Variants in ACSS2 observed in about 807,000 individuals in gnomAD.
ACSS2 encodes acetyl-coenzyme A synthetase, cytoplasmic.
In ACSS2, 58 loss-of-function variants were observed where a neutral mutation model predicts 90.6. That is an observed-to-expected ratio of 0.64 (90% confidence interval 0.52 to 0.80). The LOEUF (loss-of-function observed/expected upper bound fraction) is 0.80, where lower values mean the gene tolerates loss of function less well. ACSS2 is among the 30% of genes least tolerant of loss of function. The probability of loss-of-function intolerance (pLI) is 0.00; values close to 1 mark genes in which losing one functional copy is unlikely to be tolerated. For missense variants in ACSS2, 759 were observed against 912.0 expected, an observed-to-expected ratio of 0.83 and a Z score of 2.16; for synonymous variants, 300 against 330.9, an observed-to-expected ratio of 0.91 and a Z score of 1.01.
Position 34,927,443 on chromosome 20 carries a change from A to T in ACSS2, c.*229A>T. Reference sequence around the variant, plus strand: ...AGTCTGCTGTGCCTCCAGACTGCAGAGCTCTCAGAACCCAGAACAGAGACG... The same window carrying T: ...AGTCTGCTGTGCCTCCAGACTGCAGTGCTCTCAGAACCCAGAACAGAGACG... On this transcript the variant is annotated 3_prime_UTR_variant, in exon 18 of 18. Coordinates refer to ENST00000360596, the MANE Select transcript of ACSS2 (RefSeq NM_018677.4). The surrounding 1 kb of genome is among the most constrained non-coding windows in gnomAD (Gnocchi z 4.2). 1.7e-6 allele frequency: 1 copy of T among 597,788 alleles called. No individual in the cohort carries two copies. Among genetic ancestry groups the T allele is most frequent in the Non-Finnish European group, 2.9e-6 (1 of 340,092 alleles). The allele number at this position is 597,788 out of a possible 1,614,324, so 37.0% of individuals were successfully genotyped here.
chr20:34,882,981 T>A lies in ACSS2; in HGVS notation c.366T>A (p.Ala122=). The stretch of plus-strand genomic sequence containing the variant: ...AGAAAAAGCTTGGAGATAAAGTTGC[T>A]TTTTACTGGTAAAAATATCTATCTT... ...VHEKKLGDKV[A]FYWEGNEPGE... Residue 122 remains alanine, a synonymous_variant, in exon 2 of 18, where the codon GCT becomes GCA. Coordinates refer to ENST00000360596, the MANE Select transcript of ACSS2 (RefSeq NM_018677.4). 2 of 1,601,864 alleles carry A rather than the reference T, an allele frequency of 1.2e-6. No homozygotes were observed. Among genetic ancestry groups the A allele is most frequent in the Non-Finnish European group, 1.7e-6 (2 of 1,176,272 alleles).
At chr20:34,905,284 G>A (rs1013039520) in intron 2 of ACSS2, among the ~76,000 whole-genome samples, 17 of 147,580 alleles carry the variant, frequency 1.2e-4, no homozygotes, top group African/African-American at 4.0e-4. Flanking sequence ...TTTTTGAGAC[G>A]GAGTCTCGCT....
Position 34,914,309 on chromosome 20 carries a change from TTTCTC to T in ACSS2, c.720-8_720-4del. On this transcript the variant is annotated splice_polypyrimidine_tract_variant and intron_variant, in intron 6 of 17. Coordinates refer to ENST00000360596, the MANE Select transcript of ACSS2 (RefSeq NM_018677.4). ...GCCAACAAGGCTACCACTTTAGGCTTTTCTCTTCTCCAGGGGTTTCCCAGTAAGAT... is the reference window on the plus strand; with the variant it reads ...GCCAACAAGGCTACCACTTTAGGCTTTTCTCCAGGGGTTTCCCAGTAAGAT... 1.9e-6 allele frequency: 3 copies of T among 1,611,248 alleles called. No homozygotes were observed. Among genetic ancestry groups the T allele is most frequent in the Non-Finnish European group, 2.5e-6 (3 of 1,178,432 alleles).
At chr20:34,883,737 T>A (rs75239536) in intron 2 of ACSS2, among the ~76,000 whole-genome samples, 5,374 of 152,292 alleles carry the variant, frequency 0.035, 315 homozygotes, top group African/African-American at 0.12. Context: ...AATTCAAGTC[T>A]GCCTGACTCC....
rs755871635 is a variant in ACSS2, at chr20:34,923,364, T to C, written c.1590T>C (p.Tyr530=). Residue 530 remains tyrosine (Y), a synonymous_variant, in exon 14 of 18, where the codon TAT becomes TAC. Coordinates refer to ENST00000360596, the MANE Select transcript of ACSS2 (RefSeq NM_018677.4). ...QPWPGIMRTV[Y]GNHERFETTY... is the part of the protein sequence containing the mutation. Reference sequence around the variant, plus strand: ...GGCCAGGGATCATGCGCACAGTCTATGGGAACCACGAACGCTTTGAGACAA... The same window carrying C: ...GGCCAGGGATCATGCGCACAGTCTACGGGAACCACGAACGCTTTGAGACAA... The C allele has an allele frequency of 9.3e-6, 15 of 1,614,058 alleles. No homozygotes were observed. Among genetic ancestry groups the C allele is most frequent in the Non-Finnish European group, 1.3e-5 (15 of 1,180,032 alleles).
intron 2 of ACSS2, among the ~76,000 whole-genome samples, chr20:34,894,237 C>A (rs13044142): frequency 6.6e-6 from 1 of 152,042 alleles, no homozygotes. Flanking sequence ...TGCCTGTAAT[C>A]CCAGAACTTT....
chr20:34,912,139 C>T (rs559935779), intron 2 of ACSS2, among the ~76,000 whole-genome samples: 13 of 152,262 alleles, frequency 8.5e-5, no homozygotes, highest in South Asian at 8.3e-4. Context: ...TATTTCTATA[C>T]ATGTAGATAG....
At position 34,920,998 on chromosome 20, in the gene ACSS2, T is replaced by C; in HGVS notation, c.1144-8T>C. 6.2e-7 allele frequency: 1 copy of C among 1,614,066 alleles called. No individual in the cohort carries two copies. The highest frequency in any genetic ancestry group is 8.5e-7 in the Non-Finnish European group (1 of 1,179,980). Reference sequence around the variant, plus strand: ...AAAGACTGGGAATGACCAGCCTTCATGGGTCAGTTTGAGGGGATTCCCACA... The same window carrying C: ...AAAGACTGGGAATGACCAGCCTTCACGGGTCAGTTTGAGGGGATTCCCACA... On this transcript the variant is annotated splice_region_variant and splice_polypyrimidine_tract_variant and intron_variant, in intron 9 of 17. Transcript: ENST00000360596.
At chr20:34,902,065 G>C (rs1435399351) in intron 2 of ACSS2, among the ~76,000 whole-genome samples, 1 of 151,186 alleles carries the variant, frequency 6.6e-6, no homozygotes, top group Non-Finnish European at 1.5e-5. Flanking sequence ...AATTGATGTA[G>C]ATTTTCCATT....
rs141459727 is a variant in ACSS2, at chr20:34,914,188, A to G, written c.719+17A>G. 1.9e-5 allele frequency: 30 copies of G among 1,613,982 alleles called. 1 individual carries two copies. In the East Asian group the frequency reaches 5.8e-4, roughly 31 times the overall value. On this transcript the variant is annotated intron_variant, in intron 6 of 17. Coordinates refer to ENST00000360596, the MANE Select transcript of ACSS2 (RefSeq NM_018677.4). ...TCAGGAGAAGTAAGTGTGTTTGGCT[A>G]CTGTCTGAGTTGACTGAGCCTTTCC...
chr20:34,908,863 GGA>G, intron 2 of ACSS2: 1 of 378,534 alleles, frequency 2.6e-6, no homozygotes. Context: ...CTCCATCTTG[GGA>G]AAAAAAAAAA....
At chr20:34,925,542 AG>A (rs2081298346) in intron 14 of ACSS2, among the ~76,000 whole-genome samples, 155 bp from the exon 15 acceptor site, 1 of 152,210 alleles carries the variant, frequency 6.6e-6, no homozygotes, top group African/African-American at 2.4e-5. Context: ...GGCAGAGATC[AG>A]TGGTGCCCTC....
Position 34,927,328 on chromosome 20 carries a change from G to GT in ACSS2, c.*114_*115insT. Reference sequence around the variant, plus strand: ...GACCCACACTACCCTCCCTTGACCAGCTGTCTGGGACCGGAAACCAGCTTT... The same window carrying GT: ...GACCCACACTACCCTCCCTTGACCAGTCTGTCTGGGACCGGAAACCAGCTTT... On this transcript the variant is annotated 3_prime_UTR_variant, in exon 18 of 18. Transcript: ENST00000360596. The surrounding 1 kb of genome is among the most constrained non-coding windows in gnomAD (Gnocchi z 4.2). The GT allele has an allele frequency of 7.0e-7, 1 of 1,422,662 alleles. No homozygotes were observed. Among genetic ancestry groups the GT allele is most frequent in the Non-Finnish European group, 9.7e-7 (1 of 1,036,124 alleles). The allele number at this position is 1,422,662 out of a possible 1,614,324, so 88.1% of individuals were successfully genotyped here. A position where few individuals can be genotyped will look rare whatever the true frequency, so the allele number is the denominator to read the frequency against.
intron 2 of ACSS2, among the ~76,000 whole-genome samples, chr20:34,899,326 G>A (rs1387028378): frequency 3.3e-5 from 5 of 152,228 alleles, no homozygotes; most frequent in Admixed American, 6.5e-5. Flanking sequence ...CGCCGAGAGC[G>A]AGCAAGGGCT....
At chr20:34,886,133 T>A (rs1273670417) in intron 2 of ACSS2, among the ~76,000 whole-genome samples, 1 of 152,180 alleles carries the variant, frequency 6.6e-6, no homozygotes, top group Admixed American at 6.5e-5. Flanking sequence ...TCATCATTTT[T>A]AAAGAAAGTA....
rs1568977258 is a variant in ACSS2 at position 34,899,427 on chromosome 20, C to CTCT, written c.375-13668_375-13667insCTT. On this transcript the variant is annotated intron_variant, in intron 2 of 17. Coordinates refer to ENST00000360596, the MANE Select transcript of ACSS2 (RefSeq NM_018677.4). The stretch of plus-strand genomic sequence containing the variant: ...CCTTCTTTCTTTCTTTCTTTCTTTC[C>CTCT]TTCCTTCCTTCCTTCCTTCCTTCCT... Among the ~76,000 whole-genome samples, 115 of 115,904 alleles carry CTCT rather than the reference C, an allele frequency of 9.9e-4. 1 individual carries two copies. Among genetic ancestry groups the CTCT allele is most frequent in the African/African-American group, 3.6e-3 (94 of 26,170 alleles). The allele number at this position is 115,904 out of a possible 152,430, so 76.0% of individuals were successfully genotyped here. A position where few individuals can be genotyped will look rare whatever the true frequency, so the allele number is the denominator to read the frequency against.
chr20:34,897,980 C>A (rs543674800), intron 2 of ACSS2, among the ~76,000 whole-genome samples: 2 of 152,146 alleles, frequency 1.3e-5, no homozygotes, highest in Non-Finnish European at 2.9e-5. Context: ...CGTGGACCCT[C>A]ACGGTGAGTG....
intron 14 of ACSS2, 78 bp downstream of exon 14, chr20:34,923,509 G>T (rs987300049): frequency 9.5e-7 from 1 of 1,048,892 alleles, no homozygotes; most frequent in Non-Finnish European, 1.5e-6. Context: ...AAGAGTTGGT[G>T]TGTTGCTATA....
At position 34,927,387 on chromosome 20, in the gene ACSS2, A is replaced by G; in HGVS notation, c.*173A>G. ...GTAGAGACAACATCCTGTGACTGCC[A>G]GGCAGAAAGGACAGGGCCCAGGTCA... On this transcript the variant is annotated 3_prime_UTR_variant, in exon 18 of 18. Coordinates refer to ENST00000360596, the MANE Select transcript of ACSS2 (RefSeq NM_018677.4). This position sits in a 1 kb window ranked among gnomAD's most constrained non-coding sequence, Gnocchi z 4.2. 1.2e-6 allele frequency: 1 copy of G among 857,630 alleles called. No homozygotes were observed. 53.1% of individuals were successfully genotyped at this position (857,630 alleles called of 1,614,324 possible). A position where few individuals can be genotyped will look rare whatever the true frequency, so the allele number is the denominator to read the frequency against.
Sources: gnomAD v4.1 joint callset for allele counts (sites outside exome capture counted in the v4.1 genomes callset) on GRCh38, gnomAD v4.1.1 for gene constraint, Gnocchi (gnomAD v3.1) non-coding constraint, MANE v1.5 for transcripts, NCBI Gene and HGNC (gene_info 2026-07-23, HGNC 2026-07-21) for gene names.